MNS1: variants seen among roughly 807,000 people sequenced by gnomAD.
MNS1 encodes the protein meiosis-specific nuclear structural protein 1.
MNS1 carries 63 observed loss-of-function variants against 72.0 expected under a neutral mutation model. That is an observed-to-expected ratio of 0.87 (90% CI 0.71 to 1.08). The LOEUF (loss-of-function observed/expected upper bound fraction) is 1.08. Among genes scored for constraint, MNS1 ranks in the 50% least tolerant of loss-of-function variants. The pLI, the probability that MNS1 is intolerant of heterozygous loss-of-function variation, is 0.00. For synonymous variants in MNS1, 188 were observed against 172.1 expected, an observed-to-expected ratio of 1.09 and a Z score of -0.72; for missense variants, 604 against 562.4, an observed-to-expected ratio of 1.07 and a Z score of -0.75.
chr15:56,455,529 A>G (rs1372566359), intron 3 of MNS1, among the ~76,000 whole-genome samples: 3 of 152,172 alleles, frequency 2.0e-5, no homozygotes, highest in African/African-American at 4.8e-5. Context: ...CTGCTCAATT[A>G]AGATAAAATG....
At chr15:56,434,515 A>G in intron 7 of MNS1, 120 bp from the exon 8 acceptor site, 1 of 1,075,028 alleles carries the variant, frequency 9.3e-7, no homozygotes, top group Non-Finnish European at 1.3e-6. Context: ...AAACTGAAAA[A>G]GTAAGGCTTT....
At chr15:56,457,134 C>T (rs2050986696) in intron 2 of MNS1, among the ~76,000 whole-genome samples, 4 of 152,156 alleles carry the variant, frequency 2.6e-5, no homozygotes, top group Admixed American at 2.6e-4. Flanking sequence ...ATCACCTCTA[C>T]ACACATTTTT....
chr15:56,460,009 A>AAAAAAATATATATATATATATATATATAT lies in MNS1; in HGVS notation c.226-3489_226-3488insATATATATATATATATATATATATTTTTT. The stretch of plus-strand genomic sequence containing the variant: ...CTGTCTCAAAAAAAAAAAAAAAAAA[A>AAAAAAATATATATATATATATATATATAT]ATACATATATATATATATATATATA... On this transcript the variant is annotated intron_variant, in intron 2 of 9. Coordinates refer to ENST00000260453, the MANE Select transcript of MNS1 (RefSeq NM_018365.4). Among the ~76,000 whole-genome samples the AAAAAAATATATATATATATATATATATAT allele has an allele frequency of 8.3e-4, 22 of 26,382 alleles. 5 individuals carry two copies. The highest frequency in any genetic ancestry group is 1.2e-3 in the Non-Finnish European group (17 of 14,306). The allele number at this position is 26,382 out of a possible 152,430, so 17.3% of individuals were successfully genotyped here. A position where few individuals can be genotyped will look rare whatever the true frequency, so the allele number is the denominator to read the frequency against.
At chr15:56,441,877 G>A (rs949202261) in intron 7 of MNS1, among the ~76,000 whole-genome samples, 2 of 151,822 alleles carry the variant, frequency 1.3e-5, no homozygotes, top group African/African-American at 4.8e-5. Flanking sequence ...AAAATTAGCC[G>A]GGCATGGTGG....
intron 3 of MNS1, among the ~76,000 whole-genome samples, chr15:56,454,327 C>T (rs1170322681): frequency 6.6e-6 from 1 of 151,850 alleles, no homozygotes; most frequent in Non-Finnish European, 1.5e-5. Context: ...GTATCCATCC[C>T]CTCAAGCATT....
At position 56,443,639 on chromosome 15, in the gene MNS1, G is replaced by T; in HGVS notation, c.902C>A (p.Ala301Glu). Reference sequence around the variant, plus strand: ...TTAAAGAAGTGGTTATTTTAATACCGCATTCTGAAGCTGTAGCCTTTTCTC... The same window carrying T: ...TTAAAGAAGTGGTTATTTTAATACCTCATTCTGAAGCTGTAGCCTTTTCTC... ...NEEKRLQLQN[A>E]LTQKLEEMLR... Residue 301 changes from alanine (A) to glutamate (E), a missense_variant and splice_region_variant, in exon 6 of 10, where the codon GCG becomes GAG. Physicochemically the swap from Ala to Glu is moderately radical, Grantham distance 107. Transcript: ENST00000260453. 3.1e-6 allele frequency: 5 copies of T among 1,609,962 alleles called. No individual in the cohort carries two copies. Among genetic ancestry groups the T allele is most frequent in the African/African-American group, 1.3e-5 (1 of 74,730 alleles).
intron 8 of MNS1, 104 bp downstream of exon 8, chr15:56,434,034 C>T (rs1012422959): frequency 1.1e-5 from 14 of 1,258,940 alleles, no homozygotes; most frequent in Admixed American, 7.0e-5. Context: ...AACATACTAA[C>T]ATTGTCTGGC....
chr15:56,439,983 A>C (rs765788776), intron 7 of MNS1, among the ~76,000 whole-genome samples: 1 of 152,108 alleles, frequency 6.6e-6, no homozygotes, highest in African/African-American at 2.4e-5. Context: ...AAAGCTACAG[A>C]CTAGAAGAAA....
intron 7 of MNS1, among the ~76,000 whole-genome samples, chr15:56,437,326 A>C (rs1415406795): frequency 1.3e-5 from 2 of 152,184 alleles, no homozygotes; most frequent in African/African-American, 4.8e-5. Flanking sequence ...CAAATCAATA[A>C]ATGTAATCCA....
At chr15:56,446,696 A>T in intron 4 of MNS1, 145 bp downstream of exon 4, 1 of 606,890 alleles carries the variant, frequency 1.6e-6, no homozygotes, top group Non-Finnish European at 2.8e-6. Flanking sequence ...AGGATTTTCT[A>T]CATCTTAAGG....
Position 56,431,370 on chromosome 15 carries a change from T to C in MNS1, c.1395+3A>G. 1.2e-6 allele frequency: 2 copies of C among 1,609,046 alleles called. No individual in the cohort carries two copies. Among genetic ancestry groups the C allele is most frequent in the African/African-American group, 1.3e-5 (1 of 74,776 alleles). Reference sequence around the variant, plus strand: ...ATTACAACTTGAGATAAATCTCACTTACTTTAGGGAGATAGCCTAGTAAGT... The same window carrying C: ...ATTACAACTTGAGATAAATCTCACTCACTTTAGGGAGATAGCCTAGTAAGT... On this transcript the variant is annotated splice_donor_region_variant and intron_variant, in intron 9 of 9. Coordinates refer to ENST00000260453, the MANE Select transcript of MNS1 (RefSeq NM_018365.4).
intron 5 of MNS1, among the ~76,000 whole-genome samples, chr15:56,444,221 C>T (rs576660098): frequency 2.0e-3 from 298 of 152,158 alleles, no homozygotes; most frequent in Non-Finnish European, 3.9e-3. Flanking sequence ...AGGTTTAGGT[C>T]ATTCAATCAC....
chr15:56,450,765 T>C (rs2050942024), intron 3 of MNS1, among the ~76,000 whole-genome samples: 1 of 152,226 alleles, frequency 6.6e-6, no homozygotes, highest in Non-Finnish European at 1.5e-5. Flanking sequence ...TGTATATTTA[T>C]GCCTAGGAGT....
At chr15:56,458,722 C>T (rs1320007530) in intron 2 of MNS1, among the ~76,000 whole-genome samples, 2 of 152,112 alleles carry the variant, frequency 1.3e-5, no homozygotes, top group East Asian at 3.8e-4. Context: ...CCTTTTTGGA[C>T]TGGCTTCTTT....
intron 2 of MNS1, among the ~76,000 whole-genome samples, chr15:56,457,068 T>A (rs1478502214): frequency 6.6e-6 from 1 of 152,168 alleles, no homozygotes; most frequent in African/African-American, 2.4e-5. Context: ...CCAAACAAGA[T>A]CCACATATTG....
intron 2 of MNS1, among the ~76,000 whole-genome samples, chr15:56,458,190 A>T (rs1478470558): frequency 6.6e-6 from 1 of 152,248 alleles, no homozygotes; most frequent in East Asian, 1.9e-4. Context: ...GATATAATTC[A>T]TATAGCATAA....
intron 4 of MNS1, among the ~76,000 whole-genome samples, 157 bp downstream of exon 4, chr15:56,446,684 G>C (rs1411491916): frequency 1.3e-5 from 2 of 151,842 alleles, no homozygotes; most frequent in African/African-American, 4.8e-5. Context: ...ATGAAATCAC[G>C]CAGGATTTTC....
chr15:56,463,536 C>G (rs2051036165), intron 2 of MNS1, among the ~76,000 whole-genome samples: 1 of 152,104 alleles, frequency 6.6e-6, no homozygotes, highest in African/African-American at 2.4e-5. Flanking sequence ...ATAATCCCAG[C>G]ACTTTGGGAG....
In MNS1 at chr15:56,460,009, A is replaced by AAAAAAATATATATATATATAT; in HGVS notation, c.226-3489_226-3488insATATATATATATATATTTTTT. On this transcript the variant is annotated intron_variant, in intron 2 of 9. Transcript: ENST00000260453. The stretch of plus-strand genomic sequence containing the variant: ...CTGTCTCAAAAAAAAAAAAAAAAAA[A>AAAAAAATATATATATATATAT]ATACATATATATATATATATATATA... Among the ~76,000 whole-genome samples, 8 of 26,380 alleles carry AAAAAAATATATATATATATAT rather than the reference A, an allele frequency of 3.0e-4. 1 individual carries two copies. The highest frequency in any genetic ancestry group is 2.2e-3 in the Admixed American group (4 of 1,800). The allele number at this position is 26,380 out of a possible 152,430, so 17.3% of individuals were successfully genotyped here. A position where few individuals can be genotyped will look rare whatever the true frequency, so the allele number is the denominator to read the frequency against.
Sources: gnomAD v4.1 joint callset for allele counts (sites outside exome capture counted in the v4.1 genomes callset) on GRCh38, gnomAD v4.1.1 for gene constraint, MANE v1.5 for transcripts, NCBI Gene and HGNC (gene_info 2026-07-23, HGNC 2026-07-21) for gene names.